Variants in ERP27 observed in about 807,000 individuals in gnomAD.
ERP27 encodes the protein endoplasmic reticulum resident protein 27.
ERP27 carries 23 observed loss-of-function variants against 27.7 expected under a neutral mutation model. The observed-to-expected ratio is 0.83, with a 90% CI of 0.60 to 1.18. The LOEUF is 1.18. Ranked by LOEUF, ERP27 falls within the 50% of genes most tolerant of loss-of-function variation. The pLI, the probability that ERP27 is intolerant of heterozygous loss-of-function variation, is 0.00. For synonymous variants in ERP27, 159 were observed against 118.3 expected, an observed-to-expected ratio of 1.34 and a Z score of -2.23; for missense variants, 363 against 327.9, an observed-to-expected ratio of 1.11 and a Z score of -0.83.
At chr12:14,934,122 C>G (rs748593899) in intron 3 of ERP27, among the ~76,000 whole-genome samples, 2 of 152,294 alleles carry the variant, frequency 1.3e-5, no homozygotes, top group African/African-American at 4.8e-5. Context: ...TTCATTTTCC[C>G]CAATGTGTAC....
Position 14,937,944 on chromosome 12 carries a change from G to C in ERP27, c.195+8C>G. 1 of 1,612,544 alleles carries C rather than the reference G, an allele frequency of 6.2e-7. No individual in the cohort carries two copies. The highest frequency in any genetic ancestry group is 8.5e-7 in the Non-Finnish European group (1 of 1,178,726). On this transcript the variant is annotated splice_region_variant and intron_variant, in intron 2 of 6. Transcript: ENST00000266397. ...GGCTCTTGGGGGAATTGCAAGTAGG[G>C]AACTAACCTGGAAGAAGCCTATGAC...
At chr12:14,931,212 T>C (rs1227273294) in intron 3 of ERP27, among the ~76,000 whole-genome samples, 1 of 152,190 alleles carries the variant, frequency 6.6e-6, no homozygotes, top group East Asian at 1.9e-4. Context: ...GATTCTTGTG[T>C]GAATTAAATG....
intron 5 of ERP27, 59 bp from the exon 6 acceptor site, chr12:14,915,745 G>A (rs1303035272): frequency 4.8e-6 from 7 of 1,456,656 alleles, no homozygotes; most frequent in Non-Finnish European, 6.7e-6. Context: ...CAGGGATAAA[G>A]AGATACCTTG....
At chr12:14,927,827 G>C (rs1256209835) in intron 3 of ERP27, among the ~76,000 whole-genome samples, 1 of 150,928 alleles carries the variant, frequency 6.6e-6, no homozygotes, top group African/African-American at 2.4e-5. Context: ...AATAGTCTTT[G>C]GTGGAAAGGA....
intron 3 of ERP27, among the ~76,000 whole-genome samples, chr12:14,928,044 A>G (rs1023460671): frequency 1.3e-5 from 2 of 152,218 alleles, no homozygotes; most frequent in African/African-American, 4.8e-5. Context: ...AGATAAAATT[A>G]TTAGTATCAG....
chr12:14,917,356 G>A (rs1405064492), intron 4 of ERP27, 53 bp from the exon 5 acceptor site: 12 of 1,612,328 alleles, frequency 7.4e-6, no homozygotes, highest in East Asian at 2.2e-5. Flanking sequence ...GAATGCATTA[G>A]TACCTGGGAA....
chr12:14,923,253 C>T (rs1863537129), intron 3 of ERP27, among the ~76,000 whole-genome samples: 1 of 152,152 alleles, frequency 6.6e-6, no homozygotes, highest in South Asian at 2.1e-4. Flanking sequence ...ACCATTGGTG[C>T]TTCGGCCCTC....
At chr12:14,937,468 AAAG>A (rs1242204763) in intron 2 of ERP27, among the ~76,000 whole-genome samples, 1 of 152,182 alleles carries the variant, frequency 6.6e-6, no homozygotes, top group African/African-American at 2.4e-5. Context: ...AGGCAAAGAG[AAAG>A]AAGGAGAGTC....
chr12:14,933,388 A>T (rs922182711), intron 3 of ERP27, among the ~76,000 whole-genome samples: 3 of 152,154 alleles, frequency 2.0e-5, no homozygotes, highest in African/African-American at 7.2e-5. Flanking sequence ...AACATCATAC[A>T]TGACAGAAAT....
intron 2 of ERP27, among the ~76,000 whole-genome samples, 153 bp downstream of exon 2, chr12:14,937,799 G>A (rs754570585): frequency 2.0e-5 from 3 of 152,162 alleles, no homozygotes; most frequent in African/African-American, 7.2e-5. Flanking sequence ...AAAATAAGAG[G>A]TCCCAATGGA....
rs149707326 is a variant in ERP27, at chr12:14,927,632, G to A, written c.334-6584C>T. ...GCTGCTTCTAGAACTGACCAAAGCCGTCTAGACAAAAAGCAGTCCTCAATG... is the reference window on the plus strand; with the variant it reads ...GCTGCTTCTAGAACTGACCAAAGCCATCTAGACAAAAAGCAGTCCTCAATG... On this transcript the variant is annotated intron_variant, in intron 3 of 6. Coordinates refer to ENST00000266397, the MANE Select transcript of ERP27 (RefSeq NM_152321.4). Among the ~76,000 whole-genome samples the A allele has an allele frequency of 4.5e-4, 69 of 152,094 alleles. 1 individual carries two copies. The highest frequency in any genetic ancestry group is 1.8e-3 in the Admixed American group (28 of 15,264).
chr12:14,916,816 T>C (rs527673771), intron 5 of ERP27, among the ~76,000 whole-genome samples: 1 of 152,282 alleles, frequency 6.6e-6, no homozygotes, highest in Admixed American at 6.5e-5. Flanking sequence ...ATAGGTGTTT[T>C]ATATGAGAAA....
chr12:14,934,988 T>C lies in ERP27; in HGVS notation c.201A>G (p.Leu67=), dbSNP rs1863753981. Residue 67 remains leucine, a synonymous_variant, in exon 3 of 7, where the codon TTA becomes TTG. Transcript: ENST00000266397. ...EVAVIGFFQD[L]EIPAVPILHS... Reference sequence around the variant, plus strand: ...GGAGTATGGGCACTGCTGGTATTTCTAAATCCTAAAAACAAGAGAAAAAAT... The same window carrying C: ...GGAGTATGGGCACTGCTGGTATTTCCAAATCCTAAAAACAAGAGAAAAAAT... The C allele has an allele frequency of 4.3e-6, 7 of 1,613,712 alleles. No homozygotes were observed. The African/African-American group carries it at 9.3e-5, about 22-fold the overall frequency.
intron 1 of ERP27, 120 bp downstream of exon 1, chr12:14,938,295 A>G: frequency 1.8e-6 from 2 of 1,094,814 alleles, no homozygotes; most frequent in Admixed American, 3.6e-5. Flanking sequence ...GCACTTATCC[A>G]GGATTTCCTG....
chr12:14,938,534 C>A lies in ERP27; in HGVS notation c.-26G>T, dbSNP rs544624310. 1 of 1,585,634 alleles carries A rather than the reference C, an allele frequency of 6.3e-7. No individual in the cohort carries two copies. The highest frequency in any genetic ancestry group is 2.3e-5 in the East Asian group (1 of 42,834). ...TGTCCCTCTCCTGCTCCTGCTCCAA[C>A]CCTGGACTTTGTGTTGGGGAGGCCG... On this transcript the variant is annotated 5_prime_UTR_variant, in exon 1 of 7. Coordinates refer to ENST00000266397, the MANE Select transcript of ERP27 (RefSeq NM_152321.4).
At chr12:14,915,379 A>G in intron 6 of ERP27, 110 bp downstream of exon 6, 1 of 1,091,872 alleles carries the variant, frequency 9.2e-7, no homozygotes, top group Non-Finnish European at 1.3e-6. Flanking sequence ...GTATCCATTA[A>G]CCAACATTTT....
chr12:14,916,819 A>G (rs1457285553), intron 5 of ERP27, among the ~76,000 whole-genome samples: 1 of 152,162 alleles, frequency 6.6e-6, no homozygotes, highest in Non-Finnish European at 1.5e-5. Context: ...GGTGTTTTAT[A>G]TGAGAAATGA....
intron 3 of ERP27, among the ~76,000 whole-genome samples, chr12:14,924,396 A>G (rs997759783): frequency 6.6e-6 from 1 of 152,214 alleles, no homozygotes; most frequent in African/African-American, 2.4e-5. Context: ...TGTATATCCA[A>G]TAGTGAAAGT....
chr12:14,930,011 G>A (rs1281887296), intron 3 of ERP27, among the ~76,000 whole-genome samples: 2 of 151,300 alleles, frequency 1.3e-5, no homozygotes, highest in East Asian at 3.9e-4. Flanking sequence ...ACCAGGGCCT[G>A]TAGGGGGATA....
Sources: gnomAD v4.1 joint callset for allele counts (sites outside exome capture counted in the v4.1 genomes callset) on GRCh38, gnomAD v4.1.1 for gene constraint, MANE v1.5 for transcripts, NCBI Gene and HGNC (gene_info 2026-07-23, HGNC 2026-07-21) for gene names.